Variants in DACH1 observed in about 807,000 individuals in gnomAD.
DACH1 encodes dachshund family transcription factor 1.
In DACH1, 12 loss-of-function variants were observed where a neutral mutation model predicts 54.2. The ratio of observed to expected loss-of-function variants is 0.22; its 90% CI spans 0.14 to 0.36. The LOEUF (loss-of-function observed/expected upper bound fraction) is 0.36. Ranked by LOEUF, DACH1 falls within the 10% of genes least tolerant of loss-of-function variation. The probability of loss-of-function intolerance (pLI) is 1.00; values close to 1 mark genes in which losing one functional copy is unlikely to be tolerated. For synonymous variants in DACH1, 386 were observed against 366.2 expected, an observed-to-expected ratio of 1.05 and a Z score of -0.62; for missense variants, 805 against 929.8, an observed-to-expected ratio of 0.87 and a Z score of 1.75.
rs747332088 is a variant in DACH1, at chr13:71,557,137, G to A, written c.1457C>T (p.Ser486Phe). The change falls in exon 6 of 11, where the codon TCC (serine) becomes TTC (phenylalanine). Residue 486 changes from serine to phenylalanine, a missense_variant. This residue lies in a region of DACH1 where 472 missense variants were observed against 545.3 expected (regional missense o/e 0.87). Transcript: ENST00000613252. ...TAAGCCCATCAGCATCTGGTTCATG[G>A]ACAACCCATTCTGATGGACCGCTAT... ...DRIPVHQNGL[S>F]MNQMLMGLSP... 6.8e-6 allele frequency: 11 copies of A among 1,608,908 alleles called. No individual in the cohort carries two copies. The highest frequency in any genetic ancestry group is 9.3e-6 in the Non-Finnish European group (11 of 1,178,120).
chr13:71,631,832 C>A (rs1266965170), intron 2 of DACH1, among the ~76,000 whole-genome samples: 1 of 152,172 alleles, frequency 6.6e-6, no homozygotes, highest in Non-Finnish European at 1.5e-5. Flanking sequence ...GGTGCAGTAG[C>A]ACATGCCTAT....
chr13:71,638,616 A>G (rs935834802), intron 2 of DACH1, among the ~76,000 whole-genome samples: 1 of 152,086 alleles, frequency 6.6e-6, no homozygotes, highest in African/African-American at 2.4e-5. Context: ...TATGAAACCT[A>G]TTGTTTACTT....
chr13:71,779,238 CATATATACGTATATACGTATATATGTGT>C lies in DACH1; in HGVS notation c.848+86656_848+86683del, dbSNP rs1405410506. On this transcript the variant is annotated intron_variant, in intron 1 of 10. Coordinates refer to ENST00000613252, the MANE Select transcript of DACH1 (RefSeq NM_080759.6). ...ATATACGTATATACGTATATATACA[CATATATACGTATATACGTATATATGTGT>C]ATATATACGTATATACGTATATATA... Among the ~76,000 whole-genome samples the C allele has an allele frequency of 1.2e-3, 85 of 71,328 alleles. No homozygotes were observed. The East Asian group carries it at 0.015, about 12-fold the overall frequency. 46.8% of individuals were successfully genotyped at this position (71,328 alleles called of 152,430 possible).
At position 71,817,439 on chromosome 13, in the gene DACH1, A is replaced by G. The variant is rs577935829; in HGVS notation, c.848+48483T>C. ...TTGATGTATTAGTTATTGAATACTT[A>G]TTGTTCTCTTAGAAAATGGCAAACC... On this transcript the variant is annotated intron_variant, in intron 1 of 10. Coordinates refer to ENST00000613252, the MANE Select transcript of DACH1 (RefSeq NM_080759.6). Among the ~76,000 whole-genome samples, 5 of 152,304 alleles carry G rather than the reference A, an allele frequency of 3.3e-5. No homozygotes were observed. The South Asian group carries it at 1.0e-3, about 32-fold the overall frequency.
At chr13:71,704,766 A>G (rs1250139247) in intron 1 of DACH1, 3 of 162,586 alleles carry the variant, frequency 1.8e-5, no homozygotes, top group African/African-American at 7.2e-5. Context: ...AGCAAATTTT[A>G]ATTGTGTCCT....
intron 1 of DACH1, among the ~76,000 whole-genome samples, chr13:71,728,882 T>A (rs1252455162): frequency 6.6e-6 from 1 of 152,086 alleles, no homozygotes; most frequent in Admixed American, 6.5e-5. Flanking sequence ...ATTTCTTCAA[T>A]ACAAACCACC....
intron 1 of DACH1, among the ~76,000 whole-genome samples, chr13:71,822,655 A>G (rs752920619): frequency 2.0e-5 from 3 of 152,196 alleles, no homozygotes; most frequent in Non-Finnish European, 4.4e-5. Flanking sequence ...CATATACTCA[A>G]TCAAACCTGA....
At chr13:71,819,371 C>T (rs1451739426) in intron 1 of DACH1, among the ~76,000 whole-genome samples, 1 of 152,204 alleles carries the variant, frequency 6.6e-6, no homozygotes, top group Non-Finnish European at 1.5e-5. Context: ...TCCCAGAGAG[C>T]AAAGCCGAGG....
chr13:71,512,627 G>A (rs569351474), intron 6 of DACH1, among the ~76,000 whole-genome samples: 1 of 151,964 alleles, frequency 6.6e-6, no homozygotes, highest in Non-Finnish European at 1.5e-5. Flanking sequence ...GGATCTCAAA[G>A]TGTTCAATAT....
At chr13:71,594,390 T>A (rs1056980379) in intron 3 of DACH1, among the ~76,000 whole-genome samples, 1 of 152,048 alleles carries the variant, frequency 6.6e-6, no homozygotes, top group African/African-American at 2.4e-5. Context: ...TATAACTACC[T>A]ACTAAGGAAA....
intron 4 of DACH1, among the ~76,000 whole-genome samples, chr13:71,563,829 T>C (rs1884743836): frequency 6.6e-6 from 1 of 151,650 alleles, no homozygotes; most frequent in Non-Finnish European, 1.5e-5. Flanking sequence ...CAACAGTTAA[T>C]ACTGTTATTT....
intron 3 of DACH1, among the ~76,000 whole-genome samples, chr13:71,578,961 A>G (rs1885701668): frequency 6.6e-6 from 1 of 152,064 alleles, no homozygotes; most frequent in South Asian, 2.1e-4. Flanking sequence ...ATAAATTCTA[A>G]CTGCCCCATT....
chr13:71,488,212 A>T (rs1566291008), intron 7 of DACH1, among the ~76,000 whole-genome samples: 2 of 152,338 alleles, frequency 1.3e-5, no homozygotes, highest in African/African-American at 4.8e-5. Context: ...GGAGCTTACC[A>T]GCACACTATC....
At chr13:71,630,497 A>G in intron 3 of DACH1, 59 bp downstream of exon 3, 2 of 1,485,934 alleles carry the variant, frequency 1.3e-6, no homozygotes, top group South Asian at 1.5e-5. Context: ...CTGGAAAAGC[A>G]TTTACTGTAA....
chr13:71,817,491 GAC>G (rs1888004364), intron 1 of DACH1, among the ~76,000 whole-genome samples: 1 of 152,132 alleles, frequency 6.6e-6, no homozygotes, highest in Non-Finnish European at 1.5e-5. Flanking sequence ...TAGTTCTAGG[GAC>G]ACACCAGGGA....
chr13:71,517,679 G>A (rs965030137), intron 6 of DACH1, among the ~76,000 whole-genome samples: 3 of 151,732 alleles, frequency 2.0e-5, no homozygotes, highest in African/African-American at 7.3e-5. Flanking sequence ...AAAACATTAG[G>A]GGAAACATAC....
intron 1 of DACH1, among the ~76,000 whole-genome samples, chr13:71,687,397 T>G (rs1276771621): frequency 1.3e-5 from 2 of 151,906 alleles, no homozygotes; most frequent in African/African-American, 4.8e-5. Context: ...CATGAAAAAG[T>G]AAGATACAAA....
intron 1 of DACH1, among the ~76,000 whole-genome samples, chr13:71,767,582 C>G (rs531152576): frequency 1.3e-5 from 2 of 151,466 alleles, no homozygotes; most frequent in East Asian, 2.0e-4. Flanking sequence ...TCAAACAATG[C>G]CCCCCCAAGA....
rs78687210 is a variant in DACH1, at chr13:71,792,048, C to T, written c.848+73874G>A. On this transcript the variant is annotated intron_variant, in intron 1 of 10. Transcript: ENST00000613252. ...TATGTCTTTGCATTTCCTCTTGTGT[C>T]GCTTCCTTTTAATTACTTTTCTTCT... Among the ~76,000 whole-genome samples the T allele has an allele frequency of 8.8e-3, 1,342 of 152,190 alleles. 14 individuals are homozygous for T. Among genetic ancestry groups the T allele is most frequent in the African/African-American group, 0.028 (1,158 of 41,522 alleles).
Sources: allele counts gnomAD v4.1 joint callset (sites outside exome capture counted in the v4.1 genomes callset), GRCh38; gene constraint gnomAD v4.1.1; regional missense constraint gnomAD v4.1.1; transcripts MANE v1.5; gene names NCBI Gene and HGNC (gene_info 2026-07-23, HGNC 2026-07-21).